The following FSIP1 variants were observed in gnomAD, a reference collection of about 807,000 sequenced individuals.
The protein encoded by FSIP1 is fibrous sheath interacting protein 1.
In FSIP1, 65 loss-of-function variants were observed where a neutral mutation model predicts 60.9. That is an observed-to-expected ratio of 1.07 (90% CI 0.87 to 1.31). FSIP1 has a LOEUF of 1.31. Ranked by LOEUF, FSIP1 falls within the 40% of genes most tolerant of loss-of-function variation. The pLI is 0.00. For synonymous variants in FSIP1, 209 were observed against 221.2 expected, an observed-to-expected ratio of 0.94 and a Z score of 0.49; for missense variants, 675 against 665.5, an observed-to-expected ratio of 1.01 and a Z score of -0.16.
chr15:39,777,455 A>C (rs1372975889), intron 1 of FSIP1, among the ~76,000 whole-genome samples: 1 of 152,190 alleles, frequency 6.6e-6, no homozygotes, highest in African/African-American at 2.4e-5. Flanking sequence ...CTGGCTACAC[A>C]TTACCAATCT....
At chr15:39,689,279 C>T (rs1486595821) in intron 10 of FSIP1, among the ~76,000 whole-genome samples, 1 of 152,134 alleles carries the variant, frequency 6.6e-6, no homozygotes, top group Admixed American at 6.5e-5. Flanking sequence ...TATACCAACC[C>T]AAAAGCTCTC....
intron 10 of FSIP1, among the ~76,000 whole-genome samples, chr15:39,677,734 G>A (rs188572324): frequency 7.9e-5 from 12 of 152,172 alleles, no homozygotes; most frequent in Non-Finnish European, 1.5e-4. Flanking sequence ...GTTTACGACC[G>A]GGCGTGGTGG....
intron 9 of FSIP1, among the ~76,000 whole-genome samples, chr15:39,722,407 C>T (rs1896018553): frequency 6.6e-6 from 1 of 150,532 alleles, no homozygotes; most frequent in Non-Finnish European, 1.5e-5. Context: ...CCATCCCCCT[C>T]TCTGGGCCCG....
chr15:39,616,349 T>TA (rs1425345424), intron 11 of FSIP1, among the ~76,000 whole-genome samples: 9 of 152,198 alleles, frequency 5.9e-5, no homozygotes, highest in Non-Finnish European at 1.5e-5. Flanking sequence ...AATTGCAAGA[T>TA]AGAGTCTCTG....
At position 39,720,439 on chromosome 15, in the gene FSIP1, G is replaced by A. The variant is rs534275178; in HGVS notation, c.1050+6150C>T. Among the ~76,000 whole-genome samples, 11 of 152,228 alleles carry A rather than the reference G, an allele frequency of 7.2e-5. No individual in the cohort carries two copies. The East Asian group carries it at 2.1e-3, about 29-fold the overall frequency. On this transcript the variant is annotated intron_variant, in intron 9 of 11. Coordinates refer to ENST00000350221, the MANE Select transcript of FSIP1 (RefSeq NM_152597.5). ...CCTTTATATTCAATTAAACTAGTTA[G>A]TTTAAGAACACAGCAATGCCTCCTG...
In FSIP1 at chr15:39,770,505, C is replaced by A; in HGVS notation, c.232G>T (p.Glu78Ter). The A allele has an allele frequency of 6.2e-7, 1 of 1,611,882 alleles. No homozygotes were observed. Residue 78 changes from glutamate (E) to a stop codon, truncating the protein, a stop_gained, in exon 3 of 12, where the codon GAG becomes TAG. Coordinates refer to ENST00000350221, the MANE Select transcript of FSIP1 (RefSeq NM_152597.5). LOFTEE classifies it high-confidence loss of function. ...CCCTCTTCAGCCAATTTTATTTTCT[C>A]AGAGCAGCTTTCCTGCTTATCATCA... ...SNDDKQESCSEKIKLAEEGSD... is the reference protein window; with the variant it reads ...SNDDKQESCS
intron 5 of FSIP1, among the ~76,000 whole-genome samples, chr15:39,756,789 T>C (rs1307222926): frequency 1.3e-5 from 2 of 152,166 alleles, no homozygotes; most frequent in Non-Finnish European, 2.9e-5. Flanking sequence ...GGTCTGGCTT[T>C]AATAACGTGA....
In FSIP1 at chr15:39,741,851, T is replaced by A. The variant is rs566483547; in HGVS notation, c.609A>T (p.Gln203His). ...EDTFSSVFHT[Q>H]IPPEEYEMQM... ...GCATTTCATATTCTTCTGGAGGGAT[T>A]TGAGTATGAAACACTGAGGAAAAGG... is the stretch of plus-strand genomic sequence containing the variant. The change falls in exon 6 of 12, where the codon CAA becomes CAT. Residue 203 changes from glutamine to histidine, a missense_variant. Physicochemically the swap from Gln to His is conservative, Grantham distance 24. Coordinates refer to ENST00000350221, the MANE Select transcript of FSIP1 (RefSeq NM_152597.5). The A allele has an allele frequency of 5.6e-6, 9 of 1,607,526 alleles. No individual in the cohort carries two copies. Among genetic ancestry groups the A allele is most frequent in the South Asian group, 2.2e-5 (2 of 90,900 alleles).
At chr15:39,723,993 T>A (rs576918298) in intron 9 of FSIP1, among the ~76,000 whole-genome samples, 1 of 152,264 alleles carries the variant, frequency 6.6e-6, no homozygotes. Context: ...TATTTTTGCA[T>A]GCAAGAAGCA....
At chr15:39,692,261 G>A (rs1055798853) in intron 10 of FSIP1, among the ~76,000 whole-genome samples, 20 of 152,140 alleles carry the variant, frequency 1.3e-4, no homozygotes, top group Non-Finnish European at 2.9e-4. Flanking sequence ...TTACCCACCT[G>A]GAGGGCTACT....
At chr15:39,760,926 T>C (rs946225735) in intron 5 of FSIP1, among the ~76,000 whole-genome samples, 1 of 152,040 alleles carries the variant, frequency 6.6e-6, no homozygotes, top group Non-Finnish European at 1.5e-5. Flanking sequence ...TATTTCAAAA[T>C]AAAAAGTAAA....
At chr15:39,603,707 G>T (rs1006595917) in intron 11 of FSIP1, among the ~76,000 whole-genome samples, 3 of 152,192 alleles carry the variant, frequency 2.0e-5, no homozygotes, top group African/African-American at 7.2e-5. Flanking sequence ...GGATGCAGCA[G>T]TATCTTCGTT....
chr15:39,745,275 G>T (rs1407207312), intron 5 of FSIP1, among the ~76,000 whole-genome samples: 2 of 152,102 alleles, frequency 1.3e-5, no homozygotes, highest in Non-Finnish European at 2.9e-5. Context: ...CTCTCTTAAT[G>T]TCATCTATAG....
intron 10 of FSIP1, among the ~76,000 whole-genome samples, chr15:39,633,893 C>T (rs1892016282): frequency 6.6e-6 from 1 of 152,206 alleles, no homozygotes; most frequent in Admixed American, 6.5e-5. Context: ...AGTAAACCAA[C>T]AACATTCCTA....
chr15:39,780,281 TG>T (rs1280254608), intron 1 of FSIP1, among the ~76,000 whole-genome samples: 14 of 152,202 alleles, frequency 9.2e-5, no homozygotes, highest in Non-Finnish European at 1.8e-4. Flanking sequence ...CCCAGCACTT[TG>T]GGAGGCCGAG....
intron 5 of FSIP1, among the ~76,000 whole-genome samples, chr15:39,752,774 G>A (rs1016221299): frequency 8.5e-5 from 13 of 152,108 alleles, no homozygotes; most frequent in Non-Finnish European, 1.3e-4. Flanking sequence ...AAAAGTTAAG[G>A]AAACCTGAAT....
intron 10 of FSIP1, among the ~76,000 whole-genome samples, chr15:39,706,755 G>A (rs1009355796): frequency 2.0e-5 from 3 of 152,010 alleles, no homozygotes; most frequent in South Asian, 2.1e-4. Flanking sequence ...CCCGATCCCC[G>A]CTAAAAGTAA....
At chr15:39,618,346 T>A in intron 10 of FSIP1, 101 bp from the exon 11 acceptor site, 1 of 834,462 alleles carries the variant, frequency 1.2e-6, no homozygotes, top group South Asian at 1.8e-5. Flanking sequence ...AAGTAACCCC[T>A]TACACAACAC....
intron 3 of FSIP1, among the ~76,000 whole-genome samples, chr15:39,767,556 T>A (rs541506591): frequency 3.2e-4 from 48 of 152,308 alleles, no homozygotes; most frequent in African/African-American, 1.2e-3. Context: ...AAATGTTGCA[T>A]TTTCCAAGCC....
Sources: allele counts gnomAD v4.1 joint callset (sites outside exome capture counted in the v4.1 genomes callset), GRCh38; gene constraint gnomAD v4.1.1; transcripts MANE v1.5; gene names NCBI Gene and HGNC (gene_info 2026-07-23, HGNC 2026-07-21).